The following LEO1 variants were observed in gnomAD, a reference collection of about 807,000 sequenced individuals.
LEO1 encodes the protein RNA polymerase-associated protein LEO1.
A neutral mutation model predicts 80.4 loss-of-function variants in LEO1; 34 were observed. That is an observed-to-expected ratio of 0.42 (90% CI 0.32 to 0.56). The LOEUF is 0.56. LEO1 is among the 20% of genes least tolerant of loss of function. The probability of loss-of-function intolerance (pLI) is 0.10; values close to 1 mark genes in which losing one functional copy is unlikely to be tolerated. For synonymous variants in LEO1, 262 were observed against 274.9 expected (o/e 0.95, Z 0.46); for missense variants, 631 against 814.2 (o/e 0.77, Z 2.74).
chr15:51,949,943 G>A lies in LEO1; in HGVS notation c.1663C>T (p.Arg555Ter), dbSNP rs774535800. 6.2e-7 allele frequency: 1 copy of A among 1,613,882 alleles called. No homozygotes were observed. Among genetic ancestry groups the A allele is most frequent in the Non-Finnish European group, 8.5e-7 (1 of 1,180,006 alleles). Residue 555 changes from arginine to a stop codon, truncating the protein, a stop_gained, in exon 10 of 12, where the codon CGA becomes TGA. Coordinates refer to ENST00000299601, the MANE Select transcript of LEO1 (RefSeq NM_138792.4). LOFTEE classifies it high-confidence loss of function. ...ASIRRESQQRRMREKQHQRGL... is the reference protein window; with the variant it reads ...ASIRRESQQR ...CGCTGGTGCTGTTTCTCTCTCATTC[G>A]GCGCTGCTGAGATTCCCTACGTATG...
Position 51,971,710 on chromosome 15 carries a change from G to A in LEO1, c.36C>T (p.Ala12=). Residue 12 remains alanine, a synonymous_variant, in exon 1 of 12, where the codon GCC becomes GCT. Transcript: ENST00000299601. The part of the protein sequence containing the change: ...ADMEDLFGSD[A]DSEAERKDSD... ...CACCTTTACGCTCAGCTTCGCTGTC[G>A]GCGTCGCTCCCGAAGAGATCCTCCA... 4 of 1,614,168 alleles carry A rather than the reference G, an allele frequency of 2.5e-6. No individual in the cohort carries two copies. The highest frequency in any genetic ancestry group is 1.3e-5 in the African/African-American group (1 of 75,072).
chr15:51,938,642 C>CAA (rs2056821687), intron 11 of LEO1, among the ~76,000 whole-genome samples: 1 of 152,094 alleles, frequency 6.6e-6, no homozygotes, highest in African/African-American at 2.4e-5. Flanking sequence ...ATTTTAAAGA[C>CAA]TGTTGATTTG....
At chr15:51,940,183 A>T (rs575372058) in intron 11 of LEO1, among the ~76,000 whole-genome samples, 1 of 137,080 alleles carries the variant, frequency 7.3e-6, no homozygotes, top group African/African-American at 2.7e-5. Context: ...TGAACCCAGG[A>T]GGTGGAGGTT....
Position 51,938,105 on chromosome 15 carries a change from A to G in LEO1, c.*51T>C, listed in dbSNP as rs558164520. 9 of 876,220 alleles carry G rather than the reference A, an allele frequency of 1.0e-5. No individual in the cohort carries two copies. In the East Asian group the frequency reaches 1.4e-4, roughly 13 times the overall value. The allele number at this position is 876,220 out of a possible 1,614,324, so 54.3% of individuals were successfully genotyped here. On this transcript the variant is annotated 3_prime_UTR_variant, in exon 12 of 12. Coordinates refer to ENST00000299601, the MANE Select transcript of LEO1 (RefSeq NM_138792.4). ...TTCAATCAAAATAACTCATGTTTAC[A>G]TATTTATAACTGTACAATAAAATAT...
At position 51,949,981 on chromosome 15, in the gene LEO1, C is replaced by T. The variant is rs756862805; in HGVS notation, c.1625G>A (p.Arg542His). 3.7e-6 allele frequency: 6 copies of T among 1,611,388 alleles called. No homozygotes were observed. The highest frequency in any genetic ancestry group is 1.7e-5 in the Admixed American group (1 of 59,374). Residue 542 changes from arginine to histidine, a missense_variant, in exon 10 of 12, where the codon CGT becomes CAT. Arg to His is a conservative substitution (Grantham distance 29). Transcript: ENST00000299601. ...RTEMIKKEEE[R>H]LRASIRRESQ... ...TTCCCTACGTATGGAAGCCCTCAAA[C>T]GTTCTTCTTCTTTCTGTAAAGAAGC... is the stretch of plus-strand genomic sequence containing the variant.
chr15:51,938,864 T>C (rs2056823601), intron 11 of LEO1, among the ~76,000 whole-genome samples: 1 of 152,180 alleles, frequency 6.6e-6, no homozygotes, highest in African/African-American at 2.4e-5. Flanking sequence ...TATCTAAATA[T>C]CAAATACTGA....
chr15:51,942,210 G>A (rs1294618989), intron 11 of LEO1, among the ~76,000 whole-genome samples: 3 of 152,146 alleles, frequency 2.0e-5, no homozygotes, highest in African/African-American at 7.2e-5. Context: ...CAATGGCAGG[G>A]GTTGAGAGGT....
intron 2 of LEO1, among the ~76,000 whole-genome samples, chr15:51,963,425 G>C (rs1595944851): frequency 6.6e-6 from 1 of 152,158 alleles, no homozygotes; most frequent in African/African-American, 2.4e-5. Context: ...ATTATTTCTA[G>C]AAGGGCCAAT....
chr15:51,957,787 G>A (rs560485662), intron 6 of LEO1, among the ~76,000 whole-genome samples: 4 of 152,218 alleles, frequency 2.6e-5, no homozygotes, highest in Admixed American at 1.3e-4. Context: ...TTGGGAGGCC[G>A]AGGTGGGTGG....
chr15:51,954,933 ATTTTTT>A, intron 6 of LEO1: 1 of 140,408 alleles, frequency 7.1e-6, no homozygotes, highest in Non-Finnish European at 1.5e-5. Flanking sequence ...TGAGGCAGAA[ATTTTTT>A]TTTTTTTTTT....
chr15:51,965,171 A>G (rs565465221), intron 2 of LEO1, among the ~76,000 whole-genome samples: 21 of 152,346 alleles, frequency 1.4e-4, no homozygotes, highest in African/African-American at 4.6e-4. Flanking sequence ...ATGGGGTGAT[A>G]AGGGAGAAAT....
intron 6 of LEO1, among the ~76,000 whole-genome samples, chr15:51,956,007 A>C (rs2056986157): frequency 6.6e-6 from 1 of 152,228 alleles, no homozygotes; most frequent in Admixed American, 6.5e-5. Flanking sequence ...GGGCACATGA[A>C]AGAGTTCATT....
At position 51,958,824 on chromosome 15, in the gene LEO1, G is replaced by C; in HGVS notation, c.1163C>G (p.Pro388Arg). Reference sequence around the variant, plus strand: ...ATCTTCATAATACTGAGGATCAAAAGGTCTACAAATTGTTTTCCAAATAAA... The same window carrying C: ...ATCTTCATAATACTGAGGATCAAAACGTCTACAAATTGTTTTCCAAATAAA... ...LPNFLSVEPR[P>R]FDPQYYEDEF... Residue 388 changes from proline to arginine, a missense_variant and splice_region_variant, in exon 6 of 12, where the codon CCT becomes CGT. By Grantham distance (103) the Pro-to-Arg change is moderately radical (BLOSUM62 -2). Coordinates refer to ENST00000299601, the MANE Select transcript of LEO1 (RefSeq NM_138792.4). 1 of 1,541,190 alleles carries C rather than the reference G, an allele frequency of 6.5e-7. No individual in the cohort carries two copies. The highest frequency in any genetic ancestry group is 8.8e-7 in the Non-Finnish European group (1 of 1,131,458).
chr15:51,940,090 C>T (rs971935210), intron 11 of LEO1, among the ~76,000 whole-genome samples: 3 of 151,456 alleles, frequency 2.0e-5, no homozygotes, highest in East Asian at 1.9e-4. Context: ...CCCGTCTCTA[C>T]TAAAAATACA....
chr15:51,938,530 A>G (rs2056820827), intron 11 of LEO1, among the ~76,000 whole-genome samples: 1 of 152,174 alleles, frequency 6.6e-6, no homozygotes, highest in South Asian at 2.1e-4. Context: ...CTGTCTAACC[A>G]CTGGTCCTGT....
intron 1 of LEO1, among the ~76,000 whole-genome samples, chr15:51,967,061 G>C (rs1297340308): frequency 1.3e-5 from 2 of 152,138 alleles, no homozygotes; most frequent in Admixed American, 1.3e-4. Flanking sequence ...GAAACAGAAA[G>C]AAAAAAGAAT....
intron 2 of LEO1, among the ~76,000 whole-genome samples, chr15:51,964,618 A>T (rs534941715): frequency 6.6e-6 from 1 of 151,954 alleles, no homozygotes; most frequent in South Asian, 2.1e-4. Flanking sequence ...GTCTACACAG[A>T]TCTATATTCA....
chr15:51,954,218 T>C (rs7162554), intron 7 of LEO1, among the ~76,000 whole-genome samples: 66,047 of 150,568 alleles, frequency 0.44, 14,723 homozygotes, highest in Admixed American at 0.52. Flanking sequence ...CCACCGTGCC[T>C]GGCTCTTTTT....
At position 51,971,772 on chromosome 15, in the gene LEO1, G is replaced by T; in HGVS notation, c.-27C>A. On this transcript the variant is annotated 5_prime_UTR_variant, in exon 1 of 12. Transcript: ENST00000299601. Reference sequence around the variant, plus strand: ...ATCGCTCACGTCCGCTGCTGCCTCGGTTAGGGGCAGCTCCCGGCCTCTCTT... The same window carrying T: ...ATCGCTCACGTCCGCTGCTGCCTCGTTTAGGGGCAGCTCCCGGCCTCTCTT... The T allele has an allele frequency of 3.1e-6, 5 of 1,611,328 alleles. No homozygotes were observed. Among genetic ancestry groups the T allele is most frequent in the Non-Finnish European group, 4.2e-6 (5 of 1,177,500 alleles).
Sources: gnomAD v4.1 joint callset for allele counts (sites outside exome capture counted in the v4.1 genomes callset) on GRCh38, gnomAD v4.1.1 for gene constraint, MANE v1.5 for transcripts, NCBI Gene and HGNC (gene_info 2026-07-23, HGNC 2026-07-21) for gene names.